Variants in ING3 observed in about 807,000 individuals in gnomAD.
The protein encoded by ING3 is inhibitor of growth family member 3.
Under a neutral mutation model 64.8 loss-of-function variants are expected in ING3, and 6 were observed. The observed-to-expected ratio is 0.09, with a 90% confidence interval of 0.05 to 0.18. The LOEUF (loss-of-function observed/expected upper bound fraction) is 0.18, where lower values mean the gene tolerates loss of function less well. Ranked by LOEUF, ING3 falls within the 10% of genes least tolerant of loss-of-function variation. The pLI is 1.00. For synonymous variants in ING3, 170 were observed against 173.7 expected, an observed-to-expected ratio of 0.98 and a Z score of 0.17; for missense variants, 310 against 489.7, an observed-to-expected ratio of 0.63 and a Z score of 3.46.
chr7:120,955,862 G>A (rs762629236), intron 4 of ING3: 16 of 569,306 alleles, frequency 2.8e-5, no homozygotes, highest in Non-Finnish European at 4.6e-5. Flanking sequence ...CGGTAAGGTG[G>A]TTTCTGATGT....
At chr7:120,967,411 C>A in intron 6 of ING3, 118 bp from the exon 7 acceptor site, 1 of 635,258 alleles carries the variant, frequency 1.6e-6, no homozygotes. Context: ...ACATCATGTT[C>A]TGTATTTTAT....
chr7:120,956,725 T>C (rs1369045269), intron 4 of ING3: 1 of 981,430 alleles, frequency 1.0e-6, no homozygotes, highest in East Asian at 1.1e-4. Flanking sequence ...CAGTCTTTAA[T>C]TATGTCTATA....
At chr7:120,956,573 G>A (rs1055557417) in intron 4 of ING3, 1 of 992,832 alleles carries the variant, frequency 1.0e-6, no homozygotes, top group African/African-American at 1.7e-5. Context: ...CATTTTAATG[G>A]TGCTAACAAC....
intron 10 of ING3, 114 bp downstream of exon 10, chr7:120,970,994 A>T: frequency 9.0e-7 from 1 of 1,105,218 alleles, no homozygotes. Flanking sequence ...CTTTATTTGT[A>T]TACTTTTCTC....
At chr7:120,956,303 G>A in intron 4 of ING3, 1 of 1,437,924 alleles carries the variant, frequency 7.0e-7, no homozygotes. Context: ...TTCTGTTTTT[G>A]CATTAAAGTA....
rs528328263 is a variant in ING3, at chr7:120,951,306, A to G, written c.100+71A>G. The G allele has an allele frequency of 1.2e-4, 162 of 1,406,660 alleles. No homozygotes were observed. The African/African-American group carries it at 2.0e-3, about 18-fold the overall frequency. The allele number at this position is 1,406,660 out of a possible 1,614,324, so 87.1% of individuals were successfully genotyped here. A position where few individuals can be genotyped will look rare whatever the true frequency, so the allele number is the denominator to read the frequency against. On this transcript the variant is annotated intron_variant, in intron 2 of 11. Coordinates refer to ENST00000315870, the MANE Select transcript of ING3 (RefSeq NM_019071.3). The stretch of plus-strand genomic sequence containing the variant: ...GCCAGACTTGCTTGTCATCACTGCT[A>G]GCGCCTAGTGCTCTTTCACTGTCCT...
rs1796142442 is a variant in ING3 at position 120,976,949 on chromosome 7, A to G, written c.*2105A>G. On this transcript the variant is annotated 3_prime_UTR_variant, in exon 12 of 12. Coordinates refer to ENST00000315870, the MANE Select transcript of ING3 (RefSeq NM_019071.3). ...ATATAATGGGGCCAAACATGGAACT[A>G]CCTCATCAACCCCCCAAAAATGTGG... 1 of 152,212 alleles carries G rather than the reference A, an allele frequency of 6.6e-6. No individual in the cohort carries two copies. The highest frequency in any genetic ancestry group is 2.4e-5 in the African/African-American group (1 of 41,446). 9.4% of individuals were successfully genotyped at this position (152,212 alleles called of 1,614,324 possible).
chr7:120,974,723 T>C lies in ING3; in HGVS notation c.1141-5T>C, dbSNP rs1330105444. 3 of 1,606,852 alleles carry C rather than the reference T, an allele frequency of 1.9e-6. No individual in the cohort carries two copies. The Admixed American group carries it at 5.0e-5, about 27-fold the overall frequency. On this transcript the variant is annotated splice_polypyrimidine_tract_variant and splice_region_variant and intron_variant, in intron 11 of 11. Transcript: ENST00000315870. ...AAACTTGTTTTTTGCAATTTTGCTT[T>C]CTAGTGCCCTATAGAATGGTTCCAT... is the stretch of plus-strand genomic sequence containing the variant.
chr7:120,950,795 T>G lies in ING3; in HGVS notation c.-102T>G. The stretch of plus-strand genomic sequence containing the variant: ...TTTTTTGCCGGAGTCGAGCGGGTGC[T>G]GCTAGCGGAGGCGCCATATTGGAGG... On this transcript the variant is annotated 5_prime_UTR_variant, in exon 1 of 12. Transcript: ENST00000315870. 3.2e-6 allele frequency: 2 copies of G among 634,680 alleles called. No individual in the cohort carries two copies. Among genetic ancestry groups the G allele is most frequent in the Non-Finnish European group, 5.0e-6 (2 of 400,214 alleles). The allele number at this position is 634,680 out of a possible 1,614,324, so 39.3% of individuals were successfully genotyped here.
At chr7:120,966,150 C>G (rs757772071) in intron 5 of ING3, among the ~76,000 whole-genome samples, 7 of 152,156 alleles carry the variant, frequency 4.6e-5, no homozygotes, top group Non-Finnish European at 1.0e-4. Context: ...AACAAAATCC[C>G]TAACTTCTTT....
At chr7:120,951,124 C>G in intron 1 of ING3, 40 bp from the exon 2 acceptor site, 1 of 1,606,100 alleles carries the variant, frequency 6.2e-7, no homozygotes, top group African/African-American at 1.3e-5. Flanking sequence ...GCGTATTTCG[C>G]CGTTGGCCCC....
intron 11 of ING3, among the ~76,000 whole-genome samples, chr7:120,974,051 G>A (rs1796104478): frequency 6.6e-6 from 1 of 152,108 alleles, no homozygotes; most frequent in African/African-American, 2.4e-5. Context: ...GTTTGTGGTT[G>A]TTGCAAAAAC....
chr7:120,957,386 A>C (rs374865724), intron 4 of ING3, among the ~76,000 whole-genome samples: 3 of 152,108 alleles, frequency 2.0e-5, no homozygotes, highest in African/African-American at 7.2e-5. Context: ...AAAAAAAAAA[A>C]AGTAATACTA....
intron 4 of ING3, among the ~76,000 whole-genome samples, chr7:120,961,863 A>T (rs115199187): frequency 1.7e-3 from 254 of 152,058 alleles, no homozygotes; most frequent in African/African-American, 5.9e-3. Context: ...AAATAATTAG[A>T]CTCTGTGGTT....
intron 5 of ING3, among the ~76,000 whole-genome samples, chr7:120,965,578 G>T (rs1172561367): frequency 6.6e-6 from 1 of 152,100 alleles, no homozygotes; most frequent in Admixed American, 6.5e-5. Context: ...ATTTCTACTA[G>T]AATTTAATTA....
intron 4 of ING3, among the ~76,000 whole-genome samples, chr7:120,960,569 A>G (rs1795917893): frequency 6.6e-6 from 1 of 152,038 alleles, no homozygotes; most frequent in African/African-American, 2.4e-5. Context: ...TTTTCATTGA[A>G]ATATTTTATT....
intron 1 of ING3, 115 bp downstream of exon 1, chr7:120,951,039 C>A: frequency 6.6e-7 from 1 of 1,514,370 alleles, no homozygotes; most frequent in Non-Finnish European, 9.2e-7. Context: ...GTTTCTTTCT[C>A]ACGGTAACTG....
In ING3 at chr7:120,968,009, A is replaced by G. The variant is rs1796018571; in HGVS notation, c.632A>G (p.Tyr211Cys). The change falls in exon 8 of 12, where the codon TAT (tyrosine) becomes TGT (cysteine). Residue 211 changes from tyrosine (Y) to cysteine (C), a missense_variant. This residue lies in a region of ING3 where 233 missense variants were observed against 289.4 expected (regional missense o/e 0.81). Transcript: ENST00000315870. The part of the protein sequence containing the change: ...NVNSSQPLGS[Y>C]NIGSLSSGTG... ...AATTCCTCCCAACCTCTGGGATCCT[A>G]TAACATTGGCTCGTTATCTTCAGGA... The G allele has an allele frequency of 5.0e-6, 8 of 1,614,076 alleles. No homozygotes were observed. The highest frequency in any genetic ancestry group is 5.9e-6 in the Non-Finnish European group (7 of 1,179,988).
chr7:120,954,196 C>T (rs560973916), intron 3 of ING3, among the ~76,000 whole-genome samples: 3 of 152,174 alleles, frequency 2.0e-5, no homozygotes, highest in Non-Finnish European at 2.9e-5. Context: ...GAGGCTGAGG[C>T]GGGTGGATCA....
Sources: gnomAD v4.1 joint callset for allele counts (sites outside exome capture counted in the v4.1 genomes callset) on GRCh38, gnomAD v4.1.1 for gene constraint, gnomAD v4.1.1 regional missense constraint, MANE v1.5 for transcripts, NCBI Gene and HGNC (gene_info 2026-07-23, HGNC 2026-07-21) for gene names.